The following CCDC141 variants were observed in gnomAD, a reference collection of about 807,000 sequenced individuals.
The protein encoded by CCDC141 is coiled-coil domain containing 141.
CCDC141 carries 168 observed loss-of-function variants against 181.0 expected under a neutral mutation model. The ratio of observed to expected loss-of-function variants is 0.93; its 90% CI spans 0.82 to 1.05. The LOEUF (loss-of-function observed/expected upper bound fraction) is 1.05, where lower values mean the gene tolerates loss of function less well. Ranked by LOEUF, CCDC141 falls within the 50% of genes least tolerant of loss-of-function variation. CCDC141 has a pLI of 0.00. For missense variants in CCDC141, 1,902 were observed against 1,788.5 expected (o/e 1.06, Z -1.14); for synonymous variants, 666 against 642.3 (o/e 1.04, Z -0.56).
intron 2 of CCDC141, among the ~76,000 whole-genome samples, chr2:178,998,116 T>TATGC (rs1692371552): frequency 6.6e-6 from 1 of 152,104 alleles, no homozygotes; most frequent in Non-Finnish European, 1.5e-5. Context: ...AGAATATTTG[T>TATGC]ATATTGATTT....
At chr2:178,984,825 A>G (rs1160963947) in intron 2 of CCDC141, among the ~76,000 whole-genome samples, 1 of 152,140 alleles carries the variant, frequency 6.6e-6, no homozygotes, top group Non-Finnish European at 1.5e-5. Context: ...GCAAGTTCTG[A>G]GTGACCTACG....
rs1180133939 is a variant in CCDC141 at position 178,989,642 on chromosome 2, A to AAAAC, written c.226-10971_226-10968dup. Among the ~76,000 whole-genome samples, 4 of 149,464 alleles carry AAAAC rather than the reference A, an allele frequency of 2.7e-5. No individual in the cohort carries two copies. In the South Asian group the frequency reaches 6.3e-4, roughly 24 times the overall value. On this transcript the variant is annotated intron_variant, in intron 2 of 23. Transcript: ENST00000443758. Reference sequence around the variant, plus strand: ...TAAATAAATAAATAAATAAATAAATAAAACAATAGAAAGGACAACAATACA... The same window carrying AAAAC: ...TAAATAAATAAATAAATAAATAAATAAAACAAACAATAGAAAGGACAACAATACA...
chr2:179,036,588 A>T (rs116813025), intron 2 of CCDC141, among the ~76,000 whole-genome samples: 4,444 of 152,316 alleles, frequency 0.029, 92 homozygotes, highest in Middle Eastern at 0.048. Flanking sequence ...AGGGAAAGTC[A>T]CCAGGAAGTT....
At chr2:178,976,871 C>G (rs976850646) in intron 3 of CCDC141, among the ~76,000 whole-genome samples, 5 of 152,158 alleles carry the variant, frequency 3.3e-5, no homozygotes, top group Non-Finnish European at 7.4e-5. Context: ...TCCAGGGTCA[C>G]TGTTTAACTT....
At chr2:178,886,702 A>C (rs1424451954) in intron 10 of CCDC141, 50 bp downstream of exon 10, 3 of 1,219,314 alleles carry the variant, frequency 2.5e-6, no homozygotes, top group Non-Finnish European at 3.4e-6. Context: ...ATATTTTTAA[A>C]ATTATCTTTA....
intron 2 of CCDC141, among the ~76,000 whole-genome samples, chr2:178,986,373 A>G (rs1691739845): frequency 6.6e-6 from 1 of 152,222 alleles, no homozygotes; most frequent in Admixed American, 6.5e-5. Flanking sequence ...CTGAATGGGC[A>G]AAAACTGAAA....
rs1037091419 is a variant in CCDC141 at position 178,975,131 on chromosome 2, A to G, written c.452T>C (p.Leu151Pro). 6.6e-7 allele frequency: 1 copy of G among 1,515,880 alleles called. No homozygotes were observed. Among genetic ancestry groups the G allele is most frequent in the Non-Finnish European group, 8.9e-7 (1 of 1,121,272 alleles). The allele number at this position is 1,515,880 out of a possible 1,614,324, so 93.9% of individuals were successfully genotyped here. A position where few individuals can be genotyped will look rare whatever the true frequency, so the allele number is the denominator to read the frequency against. ...AIKIDQAEDFLQNTHEFESAE... is the reference protein window; with the variant it reads ...AIKIDQAEDFPQNTHEFESAE... ...ACTCTCAAACTCATGAGTATTCTGG[A>G]GGAAATCTTCAGCTTGGTCTATTTT... is the stretch of plus-strand genomic sequence containing the variant. The change falls in exon 4 of 24, where the codon CTC (leucine) becomes CCC (proline). Residue 151 changes from leucine to proline, a missense_variant. Coordinates refer to ENST00000443758, the MANE Select transcript of CCDC141 (RefSeq NM_173648.4).
At position 179,037,880 on chromosome 2, in the gene CCDC141, A is replaced by G. The variant is rs1247575511; in HGVS notation, c.225+9404T>C. On this transcript the variant is annotated intron_variant, in intron 2 of 23. Transcript: ENST00000443758. The stretch of plus-strand genomic sequence containing the variant: ...ACAACAAGTTATGGACAAGACGTGG[A>G]CCAATCGGAACACATATAATGTTGG... Among the ~76,000 whole-genome samples, 3 of 152,364 alleles carry G rather than the reference A, an allele frequency of 2.0e-5. No homozygotes were observed. In the East Asian group the frequency reaches 5.8e-4, roughly 29 times the overall value.
At chr2:178,901,636 C>T (rs1030460427) in intron 8 of CCDC141, among the ~76,000 whole-genome samples, 1 of 151,716 alleles carries the variant, frequency 6.6e-6, no homozygotes, top group Non-Finnish European at 1.5e-5. Context: ...TATGACAAAC[C>T]CACAGCCAAT....
chr2:178,961,772 T>G lies in CCDC141; in HGVS notation c.527-289A>C, dbSNP rs1456944399. 3.3e-5 allele frequency among the ~76,000 whole-genome samples: 5 copies of G among 152,196 alleles called. No individual in the cohort carries two copies. The East Asian group carries it at 7.7e-4, about 23-fold the overall frequency. On this transcript the variant is annotated intron_variant, in intron 4 of 23. Coordinates refer to ENST00000443758, the MANE Select transcript of CCDC141 (RefSeq NM_173648.4). ...AGGGAGTAGAATGAGCGTGGGATTT[T>G]GACATTGCTGCAGTTTTCAGCGGTA...
At chr2:179,027,488 C>A (rs1378734442) in intron 2 of CCDC141, among the ~76,000 whole-genome samples, 2 of 150,398 alleles carry the variant, frequency 1.3e-5, no homozygotes, top group Non-Finnish European at 3.0e-5. Flanking sequence ...ACTAAAAATA[C>A]AAAAAAAATA....
intron 22 of CCDC141, among the ~76,000 whole-genome samples, chr2:178,845,209 G>A (rs1011365233): frequency 3.3e-5 from 5 of 152,144 alleles, no homozygotes; most frequent in Non-Finnish European, 7.3e-5. Flanking sequence ...ATTAAGCTTT[G>A]CTAATGGGTT....
chr2:179,036,833 C>T (rs1053097422), intron 2 of CCDC141, among the ~76,000 whole-genome samples: 19 of 152,120 alleles, frequency 1.2e-4, no homozygotes, highest in Admixed American at 6.5e-4. Flanking sequence ...CAGATCAATA[C>T]GTGTTTGAAT....
intron 8 of CCDC141, among the ~76,000 whole-genome samples, chr2:178,896,598 A>T (rs1687419645): frequency 1.3e-5 from 2 of 152,192 alleles, no homozygotes; most frequent in Admixed American, 6.5e-5. Context: ...ATATATTTTT[A>T]AAAAAGGATC....
At chr2:178,985,010 T>C (rs981881877) in intron 2 of CCDC141, among the ~76,000 whole-genome samples, 1 of 151,074 alleles carries the variant, frequency 6.6e-6, no homozygotes, top group Non-Finnish European at 1.5e-5. Flanking sequence ...CAATAGAATA[T>C]ACATTTTTTT....
chr2:178,823,107 C>G, the CCDC141 span, among the ~76,000 whole-genome samples: 4 of 152,126 alleles, frequency 2.6e-5, no homozygotes, highest in African/African-American at 7.2e-5. Context: ...TTCCATAAAA[C>G]AAACCACTAC....
Position 179,015,602 on chromosome 2 carries a change from T to C in CCDC141, c.225+31682A>G, listed in dbSNP as rs528960942. Among the ~76,000 whole-genome samples, 196 of 53,488 alleles carry C rather than the reference T, an allele frequency of 3.7e-3. 2 individuals carry two copies. The highest frequency in any genetic ancestry group is 0.02 in the Middle Eastern group (1 of 50). The allele number at this position is 53,488 out of a possible 152,430, so 35.1% of individuals were successfully genotyped here. A position where few individuals can be genotyped will look rare whatever the true frequency, so the allele number is the denominator to read the frequency against. On this transcript the variant is annotated intron_variant, in intron 2 of 23. Coordinates refer to ENST00000443758, the MANE Select transcript of CCDC141 (RefSeq NM_173648.4). ...TCATATATATCTCATATGTATCTCA[T>C]ATATCTCATATAGCTCATATATATC...
At chr2:178,946,838 A>G (rs1689752137) in intron 5 of CCDC141, among the ~76,000 whole-genome samples, 1 of 152,214 alleles carries the variant, frequency 6.6e-6, no homozygotes, top group Non-Finnish European at 1.5e-5. Context: ...AGGAGAATGT[A>G]GTTAAAGACA....
intron 23 of CCDC141, 38 bp from the exon 24 acceptor site, chr2:178,834,478 G>C (rs1684393760): frequency 6.5e-7 from 1 of 1,529,440 alleles, no homozygotes; most frequent in Non-Finnish European, 8.8e-7. Context: ...CAGGATTGCT[G>C]TTTATTCACA....
Sources: gnomAD v4.1 joint callset for allele counts (sites outside exome capture counted in the v4.1 genomes callset) on GRCh38, gnomAD v4.1.1 for gene constraint, MANE v1.5 for transcripts, NCBI Gene and HGNC (gene_info 2026-07-23, HGNC 2026-07-21) for gene names.